Variants in SLC10A7 observed in about 807,000 individuals in gnomAD.
SLC10A7 encodes the protein sodium/bile acid cotransporter 7.
In SLC10A7, 29 loss-of-function variants were observed where a neutral mutation model predicts 43.2. That is an observed-to-expected ratio of 0.67 (90% CI 0.50 to 0.92). The LOEUF is 0.92. Ranked by LOEUF, SLC10A7 falls within the 40% of genes least tolerant of loss-of-function variation. The probability of loss-of-function intolerance (pLI) is 0.00; values close to 1 mark genes in which losing one functional copy is unlikely to be tolerated. For missense variants in SLC10A7, 295 were observed against 403.2 expected (o/e 0.73, Z 2.30); for synonymous variants, 152 against 144.8 (o/e 1.05, Z -0.35).
rs1429800550 is a variant in SLC10A7 at position 146,484,411 on chromosome 4, G to T, written c.396+19438C>A. Among the ~76,000 whole-genome samples, 6 of 152,076 alleles carry T rather than the reference G, an allele frequency of 3.9e-5. No individual in the cohort carries two copies. The East Asian group carries it at 1.2e-3, about 29-fold the overall frequency. On this transcript the variant is annotated intron_variant, in intron 4 of 11. Coordinates refer to ENST00000335472, the MANE Select transcript of SLC10A7 (RefSeq NM_001029998.6). Reference sequence around the variant, plus strand: ...ACAGAAAATGAATGGAGAAACACTGGACTCAAATTGCACTTTGACTATATG... The same window carrying T: ...ACAGAAAATGAATGGAGAAACACTGTACTCAAATTGCACTTTGACTATATG...
At chr4:146,416,315 G>C (rs1019069113) in intron 5 of SLC10A7, among the ~76,000 whole-genome samples, 7 of 152,144 alleles carry the variant, frequency 4.6e-5, no homozygotes, top group South Asian at 4.2e-4. Flanking sequence ...ACCAACAAAA[G>C]GTTAAACAAC....
At chr4:146,485,498 T>TC (rs1285900271) in intron 4 of SLC10A7, among the ~76,000 whole-genome samples, 1 of 151,866 alleles carries the variant, frequency 6.6e-6, no homozygotes, top group Admixed American at 6.6e-5. Context: ...CCTCAGGGAG[T>TC]CCCAGTAGGC....
At chr4:146,318,925 CAGATTT>C (rs1409169319) in intron 6 of SLC10A7, among the ~76,000 whole-genome samples, 2 of 152,026 alleles carry the variant, frequency 1.3e-5, no homozygotes, top group African/African-American at 4.8e-5. Flanking sequence ...TATCTCCTAT[CAGATTT>C]ACTCAACCAC....
At chr4:146,327,324 T>A (rs1202530102) in intron 5 of SLC10A7, among the ~76,000 whole-genome samples, 1 of 152,236 alleles carries the variant, frequency 6.6e-6, no homozygotes, top group Admixed American at 6.5e-5. Flanking sequence ...AGAATCACTT[T>A]AAATCCTACT....
chr4:146,365,129 T>C (rs974163159), intron 5 of SLC10A7, among the ~76,000 whole-genome samples: 1 of 152,140 alleles, frequency 6.6e-6, no homozygotes, highest in Non-Finnish European at 1.5e-5. Context: ...ATATGTTATA[T>C]ATTATGACCA....
At chr4:146,265,844 G>A (rs1728515913) in intron 10 of SLC10A7, among the ~76,000 whole-genome samples, 1 of 152,208 alleles carries the variant, frequency 6.6e-6, no homozygotes, top group Non-Finnish European at 1.5e-5. Context: ...AGGAAGGAAA[G>A]AAACTGGACT....
At chr4:146,441,544 G>T (rs770984881) in intron 5 of SLC10A7, 74 of 531,516 alleles carry the variant, frequency 1.4e-4, no homozygotes, top group Non-Finnish European at 1.7e-4. Context: ...CTTCCAGAAA[G>T]TTCATGTTTT....
chr4:146,379,730 C>T (rs1238033778), intron 5 of SLC10A7, among the ~76,000 whole-genome samples: 2 of 152,040 alleles, frequency 1.3e-5, no homozygotes, highest in Non-Finnish European at 2.9e-5. Context: ...TATTTTTATC[C>T]TCTCCAAAGA....
chr4:146,330,263 C>T (rs920157322), intron 5 of SLC10A7, among the ~76,000 whole-genome samples: 1 of 152,060 alleles, frequency 6.6e-6, no homozygotes, highest in East Asian at 1.9e-4. Context: ...TGTGAATGTG[C>T]TTCTCTCAGC....
intron 5 of SLC10A7, among the ~76,000 whole-genome samples, chr4:146,388,353 GA>G (rs1368688986): frequency 1.3e-5 from 2 of 152,120 alleles, no homozygotes; most frequent in African/African-American, 4.8e-5. Flanking sequence ...ATGGTGCTGG[GA>G]AAACTGGAGA....
intron 5 of SLC10A7, among the ~76,000 whole-genome samples, chr4:146,387,452 T>C (rs959037079): frequency 6.6e-6 from 1 of 152,070 alleles, no homozygotes; most frequent in African/African-American, 2.4e-5. Flanking sequence ...AAATGAGGCA[T>C]CAAACAAACA....
At chr4:146,298,548 G>A (rs2111215641) in intron 7 of SLC10A7, among the ~76,000 whole-genome samples, 1 of 152,286 alleles carries the variant, frequency 6.6e-6, no homozygotes, top group South Asian at 2.1e-4. Flanking sequence ...AGGGTAAAAA[G>A]TAGGTTTTAG....
rs869052326 is a variant in SLC10A7 at position 146,364,132 on chromosome 4, CA to C, written c.436-38137del. 2.0e-4 allele frequency among the ~76,000 whole-genome samples: 23 copies of C among 113,252 alleles called. 1 individual carries two copies. The highest frequency in any genetic ancestry group is 2.7e-4 in the Non-Finnish European group (14 of 52,598). The allele number at this position is 113,252 out of a possible 152,430, so 74.3% of individuals were successfully genotyped here. A position where few individuals can be genotyped will look rare whatever the true frequency, so the allele number is the denominator to read the frequency against. ...AAACTAAGAAAAAAAGAGAGAAGAC[CA>C]AAATAAATAAGAGACAAAAAGGTTA... On this transcript the variant is annotated intron_variant, in intron 5 of 11. Coordinates refer to ENST00000335472, the MANE Select transcript of SLC10A7 (RefSeq NM_001029998.6).
At chr4:146,353,140 C>G (rs1224590117) in intron 5 of SLC10A7, among the ~76,000 whole-genome samples, 2 of 138,386 alleles carry the variant, frequency 1.4e-5, no homozygotes, top group Non-Finnish European at 1.6e-5. Context: ...AGACCGCTAG[C>G]AAGACTAATA....
In SLC10A7 at chr4:146,521,603, A is replaced by T. The variant is rs751212545; in HGVS notation, c.100+15T>A. On this transcript the variant is annotated intron_variant, in intron 1 of 11. Transcript: ENST00000335472. ...GTGGGAGCCGCGGTGGAGCCGGCAG[A>T]GGTGCAGCACTTACCCCCATTCACC... The T allele has an allele frequency of 5.6e-6, 9 of 1,602,994 alleles. No homozygotes were observed. The South Asian group carries it at 8.8e-5, about 16-fold the overall frequency.
At chr4:146,520,779 A>G (rs2150067776) in intron 1 of SLC10A7, among the ~76,000 whole-genome samples, 1 of 152,338 alleles carries the variant, frequency 6.6e-6, no homozygotes, top group South Asian at 2.1e-4. Flanking sequence ...AAGACAAGCG[A>G]ATTGAATAAA....
At chr4:146,488,064 G>C (rs999463729) in intron 4 of SLC10A7, among the ~76,000 whole-genome samples, 1 of 151,952 alleles carries the variant, frequency 6.6e-6, no homozygotes, top group Admixed American at 6.6e-5. Flanking sequence ...GGTAGCACAT[G>C]CCTGTAATCC....
chr4:146,405,810 A>T (rs1727635252), intron 5 of SLC10A7, among the ~76,000 whole-genome samples: 2 of 152,080 alleles, frequency 1.3e-5, no homozygotes, highest in African/African-American at 4.8e-5. Context: ...TTGGAGGCAG[A>T]AGGAAGAGTT....
intron 6 of SLC10A7, among the ~76,000 whole-genome samples, chr4:146,324,467 G>C (rs953901083): frequency 1.3e-5 from 2 of 152,152 alleles, no homozygotes; most frequent in African/African-American, 4.8e-5. Context: ...CCTAATTGTG[G>C]CTGTAACATC....
Sources: allele counts gnomAD v4.1 joint callset (sites outside exome capture counted in the v4.1 genomes callset), GRCh38; gene constraint gnomAD v4.1.1; transcripts MANE v1.5; gene names NCBI Gene and HGNC (gene_info 2026-07-23, HGNC 2026-07-21).